Variants in KIFAP3 observed in about 807,000 individuals in gnomAD.
The protein encoded by KIFAP3 is kinesin-associated protein 3.
In KIFAP3, 68 loss-of-function variants were observed where a neutral mutation model predicts 106.5. The ratio of observed to expected loss-of-function variants is 0.64; its 90% CI spans 0.53 to 0.78. KIFAP3 has a LOEUF of 0.78. Among genes scored for constraint, KIFAP3 ranks in the 30% least tolerant of loss-of-function variants. The pLI, the probability that KIFAP3 is intolerant of heterozygous loss-of-function variation, is 0.00. For synonymous variants in KIFAP3, 320 were observed against 311.5 expected (o/e 1.03, Z -0.29); for missense variants, 780 against 941.8 (o/e 0.83, Z 2.25).
intron 19 of KIFAP3, among the ~76,000 whole-genome samples, chr1:169,941,940 T>C (rs1664141804): frequency 6.6e-6 from 1 of 152,226 alleles, no homozygotes; most frequent in Non-Finnish European, 1.5e-5. Flanking sequence ...CTTGCTTAAA[T>C]GTGATTTTGA....
chr1:170,071,691 G>T (rs1671711044), intron 1 of KIFAP3, among the ~76,000 whole-genome samples: 1 of 152,118 alleles, frequency 6.6e-6, no homozygotes. Flanking sequence ...ACTCACTCCA[G>T]CAAGAACAGC....
intron 1 of KIFAP3, among the ~76,000 whole-genome samples, chr1:170,072,516 C>A (rs1390898511): frequency 6.6e-6 from 1 of 151,890 alleles, no homozygotes; most frequent in African/African-American, 2.4e-5. Context: ...ATTAGCGGGG[C>A]AAAGAACAGG....
At chr1:170,052,758 T>C (rs751521138) in intron 2 of KIFAP3, among the ~76,000 whole-genome samples, 2 of 152,212 alleles carry the variant, frequency 1.3e-5, no homozygotes, top group Admixed American at 6.5e-5. Flanking sequence ...ATTATCTCAA[T>C]AGATGCAGAA....
intron 6 of KIFAP3, among the ~76,000 whole-genome samples, chr1:170,035,101 G>T (rs1369831326): frequency 6.6e-6 from 1 of 151,850 alleles, no homozygotes; most frequent in Non-Finnish European, 1.5e-5. Context: ...GTACATACAT[G>T]CATATATATA....
At chr1:170,005,719 A>T in intron 10 of KIFAP3, among the ~76,000 whole-genome samples, 1 of 61,040 alleles carries the variant, frequency 1.6e-5, no homozygotes. Context: ...GGGTGGGGGG[A>T]GGGGGGAGGG....
At chr1:170,026,682 G>A (rs574664663) in intron 8 of KIFAP3, among the ~76,000 whole-genome samples, 2 of 152,290 alleles carry the variant, frequency 1.3e-5, no homozygotes, top group Admixed American at 1.3e-4. Flanking sequence ...ATTGATTGGA[G>A]CATAGGAATT....
At chr1:170,078,039 T>A (rs2102191530), upstream of KIFAP3, among the ~76,000 whole-genome samples, 1 of 152,322 alleles carries the variant, frequency 6.6e-6, no homozygotes, top group Non-Finnish European at 1.5e-5. Flanking sequence ...TGTTAGTTAG[T>A]ATTCTTTACT....
At chr1:169,983,958 T>TA (rs925623153) in intron 12 of KIFAP3, among the ~76,000 whole-genome samples, 13 of 151,860 alleles carry the variant, frequency 8.6e-5, no homozygotes, top group African/African-American at 2.9e-4. Context: ...ATATGCTTTA[T>TA]AAAAACACTT....
chr1:170,081,888 TTTA>T (rs1381114700), intron 1 of KIFAP3, among the ~76,000 whole-genome samples: 1 of 152,118 alleles, frequency 6.6e-6, no homozygotes, highest in Non-Finnish European at 1.5e-5. Context: ...GGAGCATTAT[TTTA>T]CCTGCCACAA....
chr1:170,081,807 A>G (rs1478435867), intron 1 of KIFAP3, among the ~76,000 whole-genome samples: 1 of 152,062 alleles, frequency 6.6e-6, no homozygotes, highest in Non-Finnish European at 1.5e-5. Flanking sequence ...TTTGCCATGT[A>G]GGTAATATAT....
Position 169,980,819 on chromosome 1 carries a change from T to C in KIFAP3, c.1798+1153A>G, listed in dbSNP as rs181079717. On this transcript the variant is annotated intron_variant, in intron 15 of 19. Transcript: ENST00000361580. ...CAAATCTCAACAGAAAGAAGTGATA[T>C]AGCCGGGCACAGTGGCTCACGCCTG... Among the ~76,000 whole-genome samples, 475 of 152,242 alleles carry C rather than the reference T, an allele frequency of 3.1e-3. 7 individuals carry two copies. The highest frequency in any genetic ancestry group is 0.011 in the African/African-American group (469 of 41,542).
At chr1:169,963,184 A>T (rs1015650321) in intron 17 of KIFAP3, among the ~76,000 whole-genome samples, 2 of 152,122 alleles carry the variant, frequency 1.3e-5, no homozygotes, top group African/African-American at 4.8e-5. Flanking sequence ...GCACCCATTT[A>T]TAAGTGAGAG....
intron 1 of KIFAP3, 148 bp downstream of exon 1, chr1:170,074,288 C>A: frequency 1.0e-6 from 1 of 961,404 alleles, no homozygotes; most frequent in Non-Finnish European, 1.6e-6. Context: ...CTCCACTTCA[C>A]CTTTTCCCTC....
intron 15 of KIFAP3, among the ~76,000 whole-genome samples, chr1:169,981,707 G>C (rs1445229437): frequency 6.6e-6 from 1 of 152,130 alleles, no homozygotes; most frequent in Non-Finnish European, 1.5e-5. Context: ...GGTTGTTCAA[G>C]GTTGGTGAGG....
chr1:170,049,039 C>G (rs1196654544), intron 2 of KIFAP3, among the ~76,000 whole-genome samples: 1 of 152,184 alleles, frequency 6.6e-6, no homozygotes, highest in Non-Finnish European at 1.5e-5. Context: ...TCAGTGAGTC[C>G]CACTCTTATG....
At chr1:170,058,781 A>G (rs975529150) in intron 1 of KIFAP3, among the ~76,000 whole-genome samples, 2 of 152,088 alleles carry the variant, frequency 1.3e-5, no homozygotes, top group Non-Finnish European at 1.5e-5. Context: ...AGGGCAAAGA[A>G]GCAAAAAATG....
At chr1:170,031,588 T>C (rs970201168) in intron 8 of KIFAP3, among the ~76,000 whole-genome samples, 1 of 151,690 alleles carries the variant, frequency 6.6e-6, no homozygotes, top group Admixed American at 6.6e-5. Context: ...AACAAGTAAG[T>C]TAGGGCTGAA....
intron 19 of KIFAP3, among the ~76,000 whole-genome samples, chr1:169,947,144 A>C (rs554144265): frequency 1.1e-3 from 164 of 152,078 alleles, no homozygotes; most frequent in Non-Finnish European, 1.9e-3. Context: ...GAAGGTGGAA[A>C]GAACTTAAAA....
At chr1:170,000,780 A>G (rs1667625519) in intron 10 of KIFAP3, among the ~76,000 whole-genome samples, 1 of 152,118 alleles carries the variant, frequency 6.6e-6, no homozygotes, top group Non-Finnish European at 1.5e-5. Flanking sequence ...ATATTTGTCT[A>G]TAGTCGAGAT....
Sources: gnomAD v4.1 joint callset for allele counts (sites outside exome capture counted in the v4.1 genomes callset) on GRCh38, gnomAD v4.1.1 for gene constraint, MANE v1.5 for transcripts, NCBI Gene and HGNC (gene_info 2026-07-23, HGNC 2026-07-21) for gene names.